The following AP3B1 variants were observed in gnomAD, a reference collection of about 807,000 sequenced individuals.
AP3B1 encodes AP-3 complex subunit beta-1.
AP3B1 carries 61 observed loss-of-function variants against 132.5 expected under a neutral mutation model. That is an observed-to-expected ratio of 0.46 (90% CI 0.37 to 0.57). The LOEUF is 0.57. AP3B1 is among the 20% of genes least tolerant of loss of function. AP3B1 has a pLI of 0.00. For missense variants in AP3B1, 1,120 were observed against 1,289.4 expected (o/e 0.87, Z 2.01); for synonymous variants, 388 against 438.3 (o/e 0.89, Z 1.43).
chr5:78,163,149 G>A (rs1004996872), intron 12 of AP3B1, among the ~76,000 whole-genome samples, 198 bp from the exon 13 acceptor site: 1 of 152,042 alleles, frequency 6.6e-6, no homozygotes, highest in Non-Finnish European at 1.5e-5. Context: ...GCCTATGGAC[G>A]AAGCACATTT....
At chr5:78,060,545 A>G (rs1355249511) in intron 22 of AP3B1, among the ~76,000 whole-genome samples, 1 of 152,296 alleles carries the variant, frequency 6.6e-6, no homozygotes, top group East Asian at 1.9e-4. Context: ...CAGCATTAGT[A>G]ATTCCTTCTG....
intron 8 of AP3B1, among the ~76,000 whole-genome samples, chr5:78,177,856 G>C (rs1339688547): frequency 1.3e-5 from 2 of 152,176 alleles, no homozygotes; most frequent in Non-Finnish European, 2.9e-5. Flanking sequence ...GAAAGAGAAG[G>C]TTTCTCCCTC....
At chr5:78,097,352 C>T (rs1750892518) in intron 21 of AP3B1, among the ~76,000 whole-genome samples, 1 of 136,016 alleles carries the variant, frequency 7.4e-6, no homozygotes, top group Non-Finnish European at 1.6e-5. Context: ...CAGCCCCCTG[C>T]CCGGCCAGCC....
At chr5:78,185,308 A>C (rs1744558100) in intron 7 of AP3B1, among the ~76,000 whole-genome samples, 1 of 152,232 alleles carries the variant, frequency 6.6e-6, no homozygotes, top group African/African-American at 2.4e-5. Flanking sequence ...ATATGAGTAC[A>C]TATAATAGTT....
At chr5:78,277,528 G>T (rs1345115957) in intron 1 of AP3B1, among the ~76,000 whole-genome samples, 2 of 152,044 alleles carry the variant, frequency 1.3e-5, no homozygotes, top group African/African-American at 4.8e-5. Context: ...AGTAAGACTG[G>T]GTGATCACAA....
At chr5:78,167,427 T>C (rs982418155) in intron 11 of AP3B1, among the ~76,000 whole-genome samples, 7 of 152,268 alleles carry the variant, frequency 4.6e-5, no homozygotes, top group African/African-American at 1.4e-4. Context: ...GAAAACAGTG[T>C]GGAGATTCCT....
intron 2 of AP3B1, among the ~76,000 whole-genome samples, chr5:78,244,065 G>A (rs1485220340): frequency 6.6e-6 from 1 of 152,118 alleles, no homozygotes; most frequent in African/African-American, 2.4e-5. Flanking sequence ...GCTAGATTTG[G>A]GATTTATTCT....
intron 22 of AP3B1, among the ~76,000 whole-genome samples, chr5:78,068,221 G>T (rs116229684): frequency 6.6e-6 from 1 of 152,114 alleles, no homozygotes; most frequent in African/African-American, 2.4e-5. Context: ...CTATCGGGAC[G>T]CTAAGGCAAG....
chr5:78,005,487 C>T (rs1423008247), intron 26 of AP3B1, among the ~76,000 whole-genome samples: 4 of 152,136 alleles, frequency 2.6e-5, no homozygotes, highest in Non-Finnish European at 4.4e-5. Context: ...TTTTGAAATC[C>T]TATTGCCACA....
At chr5:78,062,937 A>G (rs1255503108) in intron 22 of AP3B1, among the ~76,000 whole-genome samples, 4 of 152,176 alleles carry the variant, frequency 2.6e-5, no homozygotes, top group Non-Finnish European at 5.9e-5. Context: ...ATGAGGTCAA[A>G]TGCTTGTTTC....
intron 24 of AP3B1, among the ~76,000 whole-genome samples, chr5:78,027,769 C>T (rs1035958743): frequency 6.6e-6 from 1 of 152,052 alleles, no homozygotes; most frequent in Non-Finnish European, 1.5e-5. Flanking sequence ...TTTGTACCAC[C>T]TTTCTAAACT....
At chr5:78,069,667 C>T (rs1272381335) in intron 22 of AP3B1, among the ~76,000 whole-genome samples, 2 of 152,134 alleles carry the variant, frequency 1.3e-5, no homozygotes, top group Non-Finnish European at 2.9e-5. Context: ...ATGAAAATGG[C>T]CATACTGCCT....
At chr5:78,192,212 A>T (rs1272128996) in intron 7 of AP3B1, among the ~76,000 whole-genome samples, 1 of 152,132 alleles carries the variant, frequency 6.6e-6, no homozygotes, top group Non-Finnish European at 1.5e-5. Flanking sequence ...GCATACAAGA[A>T]AAAAAGACAA....
intron 22 of AP3B1, among the ~76,000 whole-genome samples, chr5:78,071,220 A>G (rs1451722880): frequency 1.3e-5 from 2 of 152,250 alleles, no homozygotes; most frequent in Non-Finnish European, 2.9e-5. Flanking sequence ...ATGAAATACT[A>G]TGCAGCCATA....
chr5:78,257,182 A>C (rs1475973108), intron 2 of AP3B1, among the ~76,000 whole-genome samples: 1 of 152,236 alleles, frequency 6.6e-6, no homozygotes, highest in Admixed American at 6.5e-5. Context: ...GCAATCAGAC[A>C]AGAGAAAGAC....
chr5:78,112,169 G>A (rs1009500760), intron 19 of AP3B1, among the ~76,000 whole-genome samples: 1 of 152,116 alleles, frequency 6.6e-6, no homozygotes, highest in African/African-American at 2.4e-5. Flanking sequence ...AGGGAGAGGA[G>A]TGAGACAAGG....
chr5:78,138,942 A>C (rs1753025607), intron 15 of AP3B1, among the ~76,000 whole-genome samples: 1 of 137,342 alleles, frequency 7.3e-6, no homozygotes, highest in Non-Finnish European at 1.5e-5. Flanking sequence ...TGAACTCTAG[A>C]CTGTGTGACA....
chr5:78,216,538 C>A (rs1291589192), intron 6 of AP3B1, among the ~76,000 whole-genome samples: 1 of 152,104 alleles, frequency 6.6e-6, no homozygotes, highest in African/African-American at 2.4e-5. Context: ...ATTAATCACG[C>A]ACATTTTTCA....
chr5:78,087,118 T>A (rs996456802), intron 22 of AP3B1, among the ~76,000 whole-genome samples: 6 of 152,188 alleles, frequency 3.9e-5, no homozygotes, highest in African/African-American at 1.4e-4. Flanking sequence ...TAGTTTATTA[T>A]ATATTACTTT....
Sources: allele counts gnomAD v4.1 joint callset (sites outside exome capture counted in the v4.1 genomes callset), GRCh38; gene constraint gnomAD v4.1.1; transcripts MANE v1.5; gene names NCBI Gene and HGNC (gene_info 2026-07-23, HGNC 2026-07-21).